Variants in PAPPA2 observed in about 807,000 individuals in gnomAD.
PAPPA2 encodes the protein pappalysin 2.
In PAPPA2, 86 loss-of-function variants were observed where a neutral mutation model predicts 176.4. The ratio of observed to expected loss-of-function variants is 0.49; its 90% CI spans 0.41 to 0.58. The LOEUF is 0.58. Among genes scored for constraint, PAPPA2 ranks in the 20% least tolerant of loss-of-function variants. The pLI, the probability that PAPPA2 is intolerant of heterozygous loss-of-function variation, is 0.00. For synonymous variants in PAPPA2, 809 were observed against 852.2 expected (o/e 0.95, Z 0.88); for missense variants, 2,073 against 2,256.9 (o/e 0.92, Z 1.65).
At chr1:176,468,111 T>C (rs1217175245) in intron 1 of PAPPA2, among the ~76,000 whole-genome samples, 1 of 152,146 alleles carries the variant, frequency 6.6e-6, no homozygotes, top group Non-Finnish European at 1.5e-5. Flanking sequence ...TGGATTCAAG[T>C]AGCTTAGTTT....
chr1:176,512,977 G>C (rs1648698460), intron 1 of PAPPA2, among the ~76,000 whole-genome samples: 1 of 152,132 alleles, frequency 6.6e-6, no homozygotes, highest in African/African-American at 2.4e-5. Flanking sequence ...AAAAGTTAGG[G>C]ATAGCCTGAT....
chr1:176,477,661 C>G lies in PAPPA2; in HGVS notation c.-917+14243C>G, dbSNP rs183991710. Among the ~76,000 whole-genome samples the G allele has an allele frequency of 5.6e-4, 86 of 152,258 alleles. 5 individuals carry two copies. Among genetic ancestry groups the G allele is most frequent in the African/African-American group, 1.9e-3 (80 of 41,532 alleles). On this transcript the variant is annotated intron_variant, in intron 1 of 22. Transcript: ENST00000367662. ...TCAGGAGGCTGAGGCAGGAGAATCA[C>G]TTGAACCTGGGAGGTGGAAGTTGCA...
intron 10 of PAPPA2, among the ~76,000 whole-genome samples, chr1:176,707,944 T>A (rs985159632): frequency 6.6e-6 from 1 of 152,170 alleles, no homozygotes; most frequent in Non-Finnish European, 1.5e-5. Flanking sequence ...CTTCATGTGG[T>A]CAGTGCCCAG....
At chr1:176,816,152 G>GTATATATA (rs373739173) in intron 21 of PAPPA2, among the ~76,000 whole-genome samples, 85 of 42,274 alleles carry the variant, frequency 2.0e-3, no homozygotes, top group South Asian at 3.7e-3. Flanking sequence ...CTTTCACAGT[G>GTATATATA]TATATATATA....
chr1:176,757,957 C>A (rs1663506516), intron 14 of PAPPA2, among the ~76,000 whole-genome samples: 1 of 152,132 alleles, frequency 6.6e-6, no homozygotes, highest in African/African-American at 2.4e-5. Context: ...TCTGAACTTA[C>A]AAATAGGTCG....
intron 17 of PAPPA2, among the ~76,000 whole-genome samples, chr1:176,784,781 T>C (rs1436632154): frequency 6.6e-6 from 1 of 151,932 alleles, no homozygotes; most frequent in Non-Finnish European, 1.5e-5. Flanking sequence ...GAGATGGGGG[T>C]TTCACCATAT....
At chr1:176,823,695 C>T (rs903879756) in intron 21 of PAPPA2, among the ~76,000 whole-genome samples, 1 of 152,156 alleles carries the variant, frequency 6.6e-6, no homozygotes, top group Non-Finnish European at 1.5e-5. Flanking sequence ...AGGCCGGTAA[C>T]TCTTGATTCC....
At chr1:176,551,233 A>C (rs930689797) in intron 1 of PAPPA2, among the ~76,000 whole-genome samples, 2 of 152,202 alleles carry the variant, frequency 1.3e-5, no homozygotes, top group Non-Finnish European at 1.5e-5. Context: ...CTTTCAGAGA[A>C]GCTCCCTGTT....
chr1:176,684,052 A>G (rs1175548299), intron 4 of PAPPA2, among the ~76,000 whole-genome samples: 2 of 152,142 alleles, frequency 1.3e-5, no homozygotes, highest in Admixed American at 6.5e-5. Flanking sequence ...TCCATTCACC[A>G]TGCGGGCTAA....
intron 4 of PAPPA2, among the ~76,000 whole-genome samples, chr1:176,682,076 A>G (rs1659612388): frequency 6.6e-6 from 1 of 152,194 alleles, no homozygotes; most frequent in African/African-American, 2.4e-5. Context: ...CTTTCTTTCA[A>G]CCAAACAGTT....
intron 6 of PAPPA2, among the ~76,000 whole-genome samples, chr1:176,693,080 G>A (rs1253500825): frequency 6.6e-6 from 1 of 152,222 alleles, no homozygotes. Context: ...GAAAATGAAT[G>A]ACATCTGATA....
intron 21 of PAPPA2, among the ~76,000 whole-genome samples, chr1:176,807,988 G>T (rs1665980955): frequency 1.3e-5 from 2 of 152,120 alleles, no homozygotes; most frequent in South Asian, 4.2e-4. Flanking sequence ...ATGTACTCCT[G>T]CTTTCAGAAG....
chr1:176,676,148 A>G (rs1323095520), intron 4 of PAPPA2, among the ~76,000 whole-genome samples: 1 of 152,126 alleles, frequency 6.6e-6, no homozygotes, highest in Non-Finnish European at 1.5e-5. Context: ...GAAATGGCAC[A>G]GCCACTCGAG....
chr1:176,675,424 G>A (rs545210376), intron 4 of PAPPA2, among the ~76,000 whole-genome samples: 26 of 152,134 alleles, frequency 1.7e-4, no homozygotes, highest in Non-Finnish European at 3.4e-4. Context: ...AGATGAAAAT[G>A]CATAGTTTCT....
chr1:176,791,173 ATTTTTTTT>A (rs57185368), intron 18 of PAPPA2, among the ~76,000 whole-genome samples, 166 bp from the exon 19 acceptor site: 7 of 80,878 alleles, frequency 8.7e-5, no homozygotes, highest in African/African-American at 2.4e-4. Context: ...AAAGCAAAGA[ATTTTTTTT>A]TTTTTTTTTT....
At chr1:176,717,315 A>T (rs923945499) in intron 12 of PAPPA2, among the ~76,000 whole-genome samples, 2 of 152,144 alleles carry the variant, frequency 1.3e-5, no homozygotes, top group African/African-American at 4.8e-5. Flanking sequence ...TAGCATAAAG[A>T]CACTTCCAGC....
At chr1:176,510,240 A>T (rs1648510506) in intron 1 of PAPPA2, among the ~76,000 whole-genome samples, 1 of 148,880 alleles carries the variant, frequency 6.7e-6, no homozygotes, top group South Asian at 2.2e-4. Context: ...TAAAAAGCAG[A>T]TAGGGGTGGG....
chr1:176,559,923 T>C (rs1438561378), intron 2 of PAPPA2, among the ~76,000 whole-genome samples: 3 of 152,208 alleles, frequency 2.0e-5, no homozygotes, highest in Non-Finnish European at 4.4e-5. Context: ...AATGCAGCCA[T>C]AGCAATTTAC....
chr1:176,812,689 T>C (rs1666208964), intron 21 of PAPPA2, among the ~76,000 whole-genome samples: 1 of 152,192 alleles, frequency 6.6e-6, no homozygotes, highest in Non-Finnish European at 1.5e-5. Context: ...TAGATGTTCA[T>C]TTAAGTGAAA....
Sources: allele counts gnomAD v4.1 joint callset (sites outside exome capture counted in the v4.1 genomes callset), GRCh38; gene constraint gnomAD v4.1.1; transcripts MANE v1.5; gene names NCBI Gene and HGNC (gene_info 2026-07-23, HGNC 2026-07-21).